The following SLC9A7 variants were observed in gnomAD, a reference collection of about 807,000 sequenced individuals.
SLC9A7 encodes sodium/hydrogen exchanger 7.
SLC9A7 carries 19 observed loss-of-function variants against 52.6 expected under a neutral mutation model. The ratio of observed to expected loss-of-function variants is 0.36; its 90% CI spans 0.25 to 0.53. SLC9A7 has a LOEUF of 0.53. SLC9A7 is among the 20% of genes least tolerant of loss of function. The probability of loss-of-function intolerance (pLI) is 0.91; values close to 1 mark genes in which losing one functional copy is unlikely to be tolerated. For synonymous variants in SLC9A7, 226 were observed against 252.1 expected, an observed-to-expected ratio of 0.90 and a Z score of 0.98; for missense variants, 455 against 597.9, an observed-to-expected ratio of 0.76 and a Z score of 2.49.
intron 1 of SLC9A7, among the ~76,000 whole-genome samples, chrX:46,695,841 C>T (rs1273911890): frequency 9.0e-6 from 1 of 110,718 alleles, no homozygotes; most frequent in African/African-American, 3.3e-5. Flanking sequence ...GGCTGAACTA[C>T]ACTCAAACCT....
chrX:46,688,129 G>A (rs1301047298), intron 1 of SLC9A7, among the ~76,000 whole-genome samples: 4 of 111,719 alleles, frequency 3.6e-5, no homozygotes, highest in Non-Finnish European at 7.5e-5. Context: ...TGTGAATAAC[G>A]CTGCTATGAA....
intron 1 of SLC9A7, among the ~76,000 whole-genome samples, chrX:46,756,356 A>C (rs1442788354): frequency 8.9e-6 from 1 of 112,175 alleles, no homozygotes; most frequent in Non-Finnish European, 1.9e-5. Context: ...AAAAATCTTT[A>C]CTGGATTTAC....
At chrX:46,631,486 G>T in intron 14 of SLC9A7, 100 bp downstream of exon 14, 1 of 639,684 alleles carries the variant, frequency 1.6e-6, no homozygotes. Flanking sequence ...GCTTCATAAG[G>T]CTGTTGTCAG....
At chrX:46,676,058 A>G (rs778630022) in intron 3 of SLC9A7, among the ~76,000 whole-genome samples, 5 of 111,386 alleles carry the variant, frequency 4.5e-5, no homozygotes, top group South Asian at 7.6e-4. Flanking sequence ...CCTTTGTAAT[A>G]TCTTTTATAA....
intron 1 of SLC9A7, among the ~76,000 whole-genome samples, chrX:46,734,691 AT>A (rs1281255587): frequency 2.1e-4 from 22 of 104,440 alleles, no homozygotes; most frequent in Admixed American, 2.1e-4. Context: ...GGCCACAGTC[AT>A]TTTTTTTTTT....
At chrX:46,633,490 CT>C (rs1464164222) in intron 13 of SLC9A7, among the ~76,000 whole-genome samples, 1 of 107,649 alleles carries the variant, frequency 9.3e-6, no homozygotes, top group Non-Finnish European at 1.9e-5. Flanking sequence ...GGTTGAGGGC[CT>C]CTTGGACCAA....
intron 14 of SLC9A7, among the ~76,000 whole-genome samples, chrX:46,623,803 T>C (rs1447542778): frequency 2.7e-5 from 3 of 112,284 alleles, no homozygotes; most frequent in Non-Finnish European, 5.6e-5. Flanking sequence ...ATTTCCTGAG[T>C]AGATGGGGTG....
intron 12 of SLC9A7, among the ~76,000 whole-genome samples, chrX:46,641,567 G>A (rs1202544328): frequency 9.0e-6 from 1 of 111,610 alleles, no homozygotes; most frequent in Non-Finnish European, 1.9e-5. Context: ...GAACAAAGAT[G>A]GTACCATCTT....
At chrX:46,744,991 C>T (rs1921633756) in intron 1 of SLC9A7, among the ~76,000 whole-genome samples, 1 of 109,281 alleles carries the variant, frequency 9.2e-6, no homozygotes, top group African/African-American at 3.3e-5. Context: ...GAGTAGACAG[C>T]TCCAAACTCC....
chrX:46,734,000 A>C (rs1945083317), intron 1 of SLC9A7, among the ~76,000 whole-genome samples: 1 of 112,291 alleles, frequency 8.9e-6, no homozygotes, highest in Admixed American at 9.5e-5. Flanking sequence ...TATCTAAAAG[A>C]GGCACATTTT....
intron 7 of SLC9A7, among the ~76,000 whole-genome samples, chrX:46,655,700 G>A (rs1397397674): frequency 5.3e-5 from 6 of 112,731 alleles, no homozygotes; most frequent in African/African-American, 1.9e-4. Flanking sequence ...ATTATATCCC[G>A]CACATGGCTT....
Position 46,600,926 on chromosome X carries a change from G to A in SLC9A7, c.*6026C>T, listed in dbSNP as rs939122646. The A allele has an allele frequency of 7.2e-5, 8 of 111,678 alleles. No individual in the cohort carries two copies. The highest frequency in any genetic ancestry group is 2.8e-4 in the East Asian group (1 of 3,577). 9.2% of individuals were successfully genotyped at this position (111,678 alleles called of 1,213,427 possible). On this transcript the variant is annotated 3_prime_UTR_variant, in exon 17 of 17. Transcript: ENST00000616978. ...CTTACTGTATCAGAATGTAGCAGCC[G>A]ACACTGGCAATCCAGAGTGTCAGTT...
Position 46,758,805 on chromosome X carries a change from G to T in SLC9A7, c.225C>A (p.Leu75=). Residue 75 remains leucine (L), a synonymous_variant, in exon 1 of 17, where the codon CTC becomes CTA. Coordinates refer to ENST00000616978, the MANE Select transcript of SLC9A7 (RefSeq NM_001257291.2). ...ESHRQDSVSL[L]TFILLLTLTI... ...TGAGCGTGAGCAGCAGGATGAAGGT[G>T]AGCAGGCTCACGCTGTCTTGCCGGT... is the stretch of plus-strand genomic sequence containing the variant. 1 of 1,207,346 alleles carries T rather than the reference G, an allele frequency of 8.3e-7. No homozygotes were observed. The highest frequency in any genetic ancestry group is 1.1e-6 in the Non-Finnish European group (1 of 893,133).
At chrX:46,744,549 T>C (rs1353244626) in intron 1 of SLC9A7, among the ~76,000 whole-genome samples, 1 of 112,198 alleles carries the variant, frequency 8.9e-6, no homozygotes, top group African/African-American at 3.2e-5. Context: ...ATTTGTTGAC[T>C]ATGAACCTGA....
chrX:46,703,905 A>G (rs1173956547), intron 1 of SLC9A7, among the ~76,000 whole-genome samples: 1 of 112,240 alleles, frequency 8.9e-6, no homozygotes, highest in African/African-American at 3.2e-5. Context: ...GGCTCTCTCT[A>G]AGGAGAGGAC....
chrX:46,758,136 C>A (rs1384076978), intron 1 of SLC9A7, among the ~76,000 whole-genome samples: 1 of 111,786 alleles, frequency 8.9e-6, no homozygotes, highest in Non-Finnish European at 1.9e-5. Flanking sequence ...TCCTGGACCA[C>A]TGCTCACCTT....
chrX:46,723,271 C>T (rs1382802759), intron 1 of SLC9A7, among the ~76,000 whole-genome samples: 1 of 87,502 alleles, frequency 1.1e-5, no homozygotes, highest in Non-Finnish European at 2.1e-5. Context: ...TGGGGCAGCC[C>T]GTGGTGTATC....
At chrX:46,636,777 C>A (rs1362343674) in intron 12 of SLC9A7, among the ~76,000 whole-genome samples, 2 of 111,652 alleles carry the variant, frequency 1.8e-5, no homozygotes, top group Non-Finnish European at 3.8e-5. Flanking sequence ...TTTAAAGGCT[C>A]CTCAGCAGCG....
At chrX:46,641,674 C>T (rs1007073108) in intron 12 of SLC9A7, among the ~76,000 whole-genome samples, 15 of 111,589 alleles carry the variant, frequency 1.3e-4, no homozygotes, top group African/African-American at 4.9e-4. Flanking sequence ...GAGATTCATG[C>T]CAGGAAACTG....
Sources: gnomAD v4.1 joint callset for allele counts (sites outside exome capture counted in the v4.1 genomes callset) on GRCh38, gnomAD v4.1.1 for gene constraint, MANE v1.5 for transcripts, NCBI Gene and HGNC (gene_info 2026-07-23, HGNC 2026-07-21) for gene names.